RAB39B: variants seen among roughly 807,000 people sequenced by gnomAD.
The protein encoded by RAB39B is ras-related protein Rab-39B.
For synonymous variants in RAB39B, 63 were observed against 67.5 expected, an observed-to-expected ratio of 0.93 and a Z score of 0.33; for missense variants, 68 against 171.3, an observed-to-expected ratio of 0.40 and a Z score of 3.37.
intron 1 of RAB39B, 39 bp downstream of exon 1, chrX:155,264,035 G>C (rs1569561105): frequency 4.3e-6 from 5 of 1,153,580 alleles, no homozygotes; most frequent in Non-Finnish European, 5.9e-6. Context: ...AAACCCCGAA[G>C]ACCCTCCCAC....
intron 1 of RAB39B, 129 bp downstream of exon 1, chrX:155,263,945 G>T: frequency 1.5e-6 from 1 of 648,634 alleles, no homozygotes; most frequent in Non-Finnish European, 2.4e-6. Context: ...GTGGGCTTCG[G>T]CAGAATCCTC....
At chrX:155,263,854 G>A (rs782418349) in intron 1 of RAB39B, among the ~76,000 whole-genome samples, 1 of 111,749 alleles carries the variant, frequency 8.9e-6, no homozygotes, top group Non-Finnish European at 1.9e-5. Context: ...GTGGAGTTGT[G>A]GTGCAAGCAA....
chrX:155,261,283 T>C (rs1343960591), intron 1 of RAB39B, 54 bp from the exon 2 acceptor site: 4 of 892,557 alleles, frequency 4.5e-6, no homozygotes, highest in African/African-American at 2.0e-5. Flanking sequence ...CTTCTGCATG[T>C]CAATGAACTC....
In RAB39B at chrX:155,258,484, A is replaced by G. The variant is rs2074841514; in HGVS notation, c.*2319T>C. ...AAGCTTTATCCTTAGTATTATATTA[A>G]CACCTGATTCTTTTCACACTTATTT... On this transcript the variant is annotated 3_prime_UTR_variant, in exon 2 of 2. Coordinates refer to ENST00000369454, the MANE Select transcript of RAB39B (RefSeq NM_171998.4). 8.9e-6 allele frequency: 1 copy of G among 112,518 alleles called. No homozygotes were observed. The highest frequency in any genetic ancestry group is 1.9e-5 in the Non-Finnish European group (1 of 53,293). 9.3% of individuals were successfully genotyped at this position (112,518 alleles called of 1,213,427 possible).
intron 1 of RAB39B, 123 bp from the exon 2 acceptor site, chrX:155,261,352 T>C: frequency 5.2e-6 from 3 of 572,763 alleles, no homozygotes; most frequent in Non-Finnish European, 8.5e-6. Context: ...GATTTTCTTT[T>C]TTTTTAAAAA....
At position 155,260,573 on chromosome X, in the gene RAB39B, G is replaced by A; in HGVS notation, c.*230C>T. 1 of 430,672 alleles carries A rather than the reference G, an allele frequency of 2.3e-6. No homozygotes were observed. Among genetic ancestry groups the A allele is most frequent in the Non-Finnish European group, 4.1e-6 (1 of 245,723 alleles). 35.5% of individuals were successfully genotyped at this position (430,672 alleles called of 1,213,427 possible). On this transcript the variant is annotated 3_prime_UTR_variant, in exon 2 of 2. Transcript: ENST00000369454. ...CATGGAGCAGCCACTGCCTAGCATGGGCCACAAAACAGTGCCTGGCCTGGC... is the reference window on the plus strand; with the variant it reads ...CATGGAGCAGCCACTGCCTAGCATGAGCCACAAAACAGTGCCTGGCCTGGC...
intron 1 of RAB39B, 28 bp downstream of exon 1, chrX:155,264,046 T>C (rs782792885): frequency 7.6e-6 from 9 of 1,190,332 alleles, no homozygotes; most frequent in Non-Finnish European, 9.1e-6. Context: ...ACCCTCCCAC[T>C]GCTTGCGGGC....
chrX:155,262,782 G>A (rs782430890), intron 1 of RAB39B, among the ~76,000 whole-genome samples: 310 of 112,260 alleles, frequency 2.8e-3, no homozygotes, highest in African/African-American at 9.8e-3. Context: ...TAAATAAGCA[G>A]TGGATATGAA....
chrX:155,261,217 G>T lies in RAB39B; in HGVS notation c.228C>A (p.Arg76=), dbSNP rs782369215. Residue 76 remains arginine (R), a synonymous_variant, in exon 2 of 2, where the codon CGC becomes CGA. Coordinates refer to ENST00000369454, the MANE Select transcript of RAB39B (RefSeq NM_171998.4). ...CACCTACTGAGTTCCTGTAGTAGGC[G>T]CGAGTGATGGATCTAAAACACAAGA... ...AGQERFRSIT[R]AYYRNSVGGL... The T allele has an allele frequency of 1.7e-6, 2 of 1,205,181 alleles. No homozygotes were observed. Among genetic ancestry groups the T allele is most frequent in the Non-Finnish European group, 2.2e-6 (2 of 891,114 alleles).
rs1225815285 is a variant in RAB39B, at chrX:155,258,327, C to T, written c.*2476G>A. The stretch of plus-strand genomic sequence containing the variant: ...GCATTTTTCACATTTCATTACAGTG[C>T]ACAACAAAGTGAGGAAAAGTATACA... On this transcript the variant is annotated 3_prime_UTR_variant, in exon 2 of 2. Transcript: ENST00000369454. 1 of 112,236 alleles carries T rather than the reference C, an allele frequency of 8.9e-6. No homozygotes were observed. The highest frequency in any genetic ancestry group is 1.9e-5 in the Non-Finnish European group (1 of 53,220). 9.2% of individuals were successfully genotyped at this position (112,236 alleles called of 1,213,427 possible). A position where few individuals can be genotyped will look rare whatever the true frequency, so the allele number is the denominator to read the frequency against.
At chrX:155,262,619 A>G (rs962726562) in intron 1 of RAB39B, among the ~76,000 whole-genome samples, 9 of 112,474 alleles carry the variant, frequency 8.0e-5, no homozygotes, top group African/African-American at 2.9e-4. Flanking sequence ...ATAAGGCTAC[A>G]TAAACCTTAA....
rs1285078477 is a variant in RAB39B, at chrX:155,260,659, G to A, written c.*144C>T. 2 of 623,054 alleles carry A rather than the reference G, an allele frequency of 3.2e-6. No individual in the cohort carries two copies. Among genetic ancestry groups the A allele is most frequent in the South Asian group, 2.4e-5 (1 of 40,852 alleles). 51.3% of individuals were successfully genotyped at this position (623,054 alleles called of 1,213,427 possible). On this transcript the variant is annotated 3_prime_UTR_variant, in exon 2 of 2. Coordinates refer to ENST00000369454, the MANE Select transcript of RAB39B (RefSeq NM_171998.4). Reference sequence around the variant, plus strand: ...CAGGCACCCCCATCCACCCGCACACGAGTCTGTCAGAGTCCCCCTGAGAGG... The same window carrying A: ...CAGGCACCCCCATCCACCCGCACACAAGTCTGTCAGAGTCCCCCTGAGAGG...
chrX:155,264,368 G>T lies in RAB39B; in HGVS notation c.-80C>A, dbSNP rs186771819. Reference sequence around the variant, plus strand: ...CCCCGCCGACGCCTCAGAGAGCGCGGCTCGGCAGGATCTAGCTCAGCCGCG... The same window carrying T: ...CCCCGCCGACGCCTCAGAGAGCGCGTCTCGGCAGGATCTAGCTCAGCCGCG... On this transcript the variant is annotated 5_prime_UTR_variant, in exon 1 of 2. Coordinates refer to ENST00000369454, the MANE Select transcript of RAB39B (RefSeq NM_171998.4). 5.0e-4 allele frequency: 477 copies of T among 957,126 alleles called. 1 individual carries two copies. The African/African-American group carries it at 8.2e-3, about 16-fold the overall frequency. 78.9% of individuals were successfully genotyped at this position (957,126 alleles called of 1,213,427 possible).
Position 155,260,559 on chromosome X carries a change from C to T in RAB39B, c.*244G>A. 1 of 416,340 alleles carries T rather than the reference C, an allele frequency of 2.4e-6. No individual in the cohort carries two copies. The highest frequency in any genetic ancestry group is 3.8e-5 in the South Asian group (1 of 26,588). The allele number at this position is 416,340 out of a possible 1,213,427, so 34.3% of individuals were successfully genotyped here. On this transcript the variant is annotated 3_prime_UTR_variant, in exon 2 of 2. Transcript: ENST00000369454. ...GTCCACAAAGGGCTCATGGAGCAGCCACTGCCTAGCATGGGCCACAAAACA... is the reference window on the plus strand; with the variant it reads ...GTCCACAAAGGGCTCATGGAGCAGCTACTGCCTAGCATGGGCCACAAAACA...
Position 155,260,843 on chromosome X carries a change from G to GTT in RAB39B, c.601_602insAA (p.Ser201Ter). ...SGFVPNVVHS[S>*]EEVVKSERRC... ...CCTCTCTGATTTGACAACCTCTTCT[G>GTT]AAGAGTGAACCACATTTGGTACAAA... The change falls in exon 2 of 2, where the codon TCA (serine) becomes TAACA (stop). Residue 201 changes from serine to a stop codon, truncating the protein, a stop_gained and frameshift_variant. Coordinates refer to ENST00000369454, the MANE Select transcript of RAB39B (RefSeq NM_171998.4). LOFTEE classifies it high-confidence loss of function. 1 of 1,211,833 alleles carries GTT rather than the reference G, an allele frequency of 8.3e-7. No homozygotes were observed. The highest frequency in any genetic ancestry group is 1.1e-6 in the Non-Finnish European group (1 of 895,331).
Position 155,264,071 on chromosome X carries a change from C to A in RAB39B, c.215+3G>T. 1 of 1,209,618 alleles carries A rather than the reference C, an allele frequency of 8.3e-7. No homozygotes were observed. The highest frequency in any genetic ancestry group is 1.1e-6 in the Non-Finnish European group (1 of 893,715). ...TGCTTGCGGGCCCGGACTGCGCTCC[C>A]ACCTGAACCTCTCTTGACCCGCGGT... On this transcript the variant is annotated splice_donor_region_variant and intron_variant, in intron 1 of 1. Coordinates refer to ENST00000369454, the MANE Select transcript of RAB39B (RefSeq NM_171998.4).
Position 155,261,016 on chromosome X carries a change from A to G in RAB39B, c.429T>C (p.Ala143=). 8.3e-7 allele frequency: 1 copy of G among 1,211,826 alleles called. No individual in the cohort carries two copies. The highest frequency in any genetic ancestry group is 1.1e-6 in the Non-Finnish European group (1 of 895,431). Residue 143 remains alanine (A), a synonymous_variant, in exon 2 of 2, where the codon GCT becomes GCC. Coordinates refer to ENST00000369454, the MANE Select transcript of RAB39B (RefSeq NM_171998.4). ...TTTCAATGTACTTCATGCCGTATGCAGCAGCCAGTTTCTCGGCCTCGTGGC... is the reference window on the plus strand; with the variant it reads ...TTTCAATGTACTTCATGCCGTATGCGGCAGCCAGTTTCTCGGCCTCGTGGC... ...VTRHEAEKLA[A]AYGMKYIETS... is the part of the protein sequence containing the mutation.
intron 1 of RAB39B, among the ~76,000 whole-genome samples, chrX:155,261,557 C>T (rs1347762575): frequency 9.1e-6 from 1 of 110,383 alleles, no homozygotes; most frequent in Non-Finnish European, 1.9e-5. Context: ...CTACAACTAA[C>T]TCTCCCACCC....
At chrX:155,261,346 T>A in intron 1 of RAB39B, 117 bp from the exon 2 acceptor site, 1 of 583,492 alleles carries the variant, frequency 1.7e-6, no homozygotes, top group Non-Finnish European at 2.8e-6. Flanking sequence ...AAAAATGATT[T>A]TCTTTTTTTT....
Sources: gnomAD v4.1 joint callset for allele counts (sites outside exome capture counted in the v4.1 genomes callset) on GRCh38, gnomAD v4.1.1 for gene constraint, MANE v1.5 for transcripts, NCBI Gene and HGNC (gene_info 2026-07-23, HGNC 2026-07-21) for gene names.